Variants in APP observed in about 807,000 individuals in gnomAD.
APP encodes the protein amyloid-beta precursor protein.
Under a neutral mutation model 101.4 loss-of-function variants are expected in APP, and 31 were observed. That is an observed-to-expected ratio of 0.31 (90% confidence interval 0.23 to 0.41). The LOEUF (loss-of-function observed/expected upper bound fraction) is 0.41, where lower values mean the gene tolerates loss of function less well. Among genes scored for constraint, APP ranks in the 10% least tolerant of loss-of-function variants. APP has a pLI of 1.00. For missense variants in APP, 839 were observed against 1,003.7 expected (o/e 0.84, Z 2.22); for synonymous variants, 366 against 364.4 (o/e 1.00, Z -0.05).
intron 13 of APP, among the ~76,000 whole-genome samples, chr21:25,929,227 C>T (rs2040034672): frequency 6.6e-6 from 1 of 152,046 alleles, no homozygotes; most frequent in Admixed American, 6.6e-5. Flanking sequence ...AGAGTCTAAC[C>T]TCTGCAGCAT....
chr21:25,926,056 A>C (rs2039883435), intron 13 of APP, among the ~76,000 whole-genome samples: 1 of 152,358 alleles, frequency 6.6e-6, no homozygotes, highest in African/African-American at 2.4e-5. Context: ...AATATTGCCA[A>C]AACACCAGAG....
At chr21:26,097,099 A>G (rs1181557903) in intron 2 of APP, among the ~76,000 whole-genome samples, 4 of 152,186 alleles carry the variant, frequency 2.6e-5, no homozygotes, top group Non-Finnish European at 2.9e-5. Flanking sequence ...TTCCAATTGA[A>G]CAAAAGCCAA....
At chr21:26,105,562 G>A (rs1017697404) in intron 2 of APP, among the ~76,000 whole-genome samples, 1 of 151,222 alleles carries the variant, frequency 6.6e-6, no homozygotes, top group Non-Finnish European at 1.5e-5. Flanking sequence ...TCCAACACAC[G>A]CATGAAAATC....
intron 3 of APP, among the ~76,000 whole-genome samples, chr21:26,079,432 C>T (rs1601406981): frequency 1.3e-5 from 2 of 152,232 alleles, no homozygotes; most frequent in Middle Eastern, 3.4e-3. Flanking sequence ...GACTGAATTA[C>T]GCAGCTATAA....
chr21:25,945,757 G>A (rs1268400696), intron 13 of APP: 1 of 382,886 alleles, frequency 2.6e-6, no homozygotes, highest in South Asian at 1.9e-5. Context: ...GCGTGATCAA[G>A]GCTCACTGCA....
At chr21:26,016,167 A>C (rs113836429) in intron 6 of APP, among the ~76,000 whole-genome samples, 2 of 151,978 alleles carry the variant, frequency 1.3e-5, no homozygotes, top group Non-Finnish European at 2.9e-5. Context: ...AGTAGCTGGG[A>C]TTATGGGCAC....
intron 2 of APP, among the ~76,000 whole-genome samples, chr21:26,090,558 A>G (rs2061801700): frequency 6.6e-6 from 1 of 152,216 alleles, no homozygotes; most frequent in African/African-American, 2.4e-5. Context: ...TAGACTTAAA[A>G]TATTATTTTT....
At chr21:26,090,127 A>G in intron 2 of APP, 55 bp from the exon 3 acceptor site, 5 of 1,609,284 alleles carry the variant, frequency 3.1e-6, no homozygotes, top group Non-Finnish European at 4.2e-6. Flanking sequence ...GCTGGCATTT[A>G]CAAGCATCTA....
intron 8 of APP, among the ~76,000 whole-genome samples, chr21:25,988,523 G>A (rs750475724): frequency 6.6e-6 from 1 of 152,004 alleles, no homozygotes; most frequent in Non-Finnish European, 1.5e-5. Context: ...CCAACATGGA[G>A]AAACTCTGTC....
intron 3 of APP, among the ~76,000 whole-genome samples, chr21:26,069,811 T>C (rs191482547): frequency 1.3e-5 from 2 of 152,288 alleles, no homozygotes; most frequent in East Asian, 1.9e-4. Flanking sequence ...CAAACTTGTA[T>C]CTTAAAAGAT....
chr21:26,090,696 T>C (rs1179993291), intron 2 of APP, among the ~76,000 whole-genome samples: 1 of 152,210 alleles, frequency 6.6e-6, no homozygotes, highest in Non-Finnish European at 1.5e-5. Context: ...TTACAGTAGA[T>C]ATGGCTGGGG....
At chr21:26,075,163 CAATT>C (rs1326324784) in intron 3 of APP, among the ~76,000 whole-genome samples, 1 of 152,130 alleles carries the variant, frequency 6.6e-6, no homozygotes, top group Non-Finnish European at 1.5e-5. Context: ...GCTACATCCT[CAATT>C]CATTCATTAA....
chr21:25,974,908 C>A (rs1205452475), intron 11 of APP, among the ~76,000 whole-genome samples, 162 bp downstream of exon 11: 1 of 152,140 alleles, frequency 6.6e-6, no homozygotes, highest in Non-Finnish European at 1.5e-5. Flanking sequence ...TGCCCTGTGA[C>A]CCTTTGACCT....
chr21:25,977,639 G>C (rs1004645313), intron 9 of APP, among the ~76,000 whole-genome samples: 3 of 152,074 alleles, frequency 2.0e-5, no homozygotes, highest in Admixed American at 6.6e-5. Context: ...GCTTCTTCTT[G>C]TTGTTTTTGT....
chr21:26,028,238 A>G (rs2044669318), intron 5 of APP, among the ~76,000 whole-genome samples: 1 of 152,150 alleles, frequency 6.6e-6, no homozygotes, highest in Non-Finnish European at 1.5e-5. Flanking sequence ...AGAATGAGCT[A>G]TAAATCACAA....
intron 13 of APP, 139 bp from the exon 14 acceptor site, chr21:25,912,101 T>A (rs1338136286): frequency 1.4e-6 from 1 of 727,334 alleles, no homozygotes; most frequent in South Asian, 1.5e-5. Context: ...ATGACATAGG[T>A]ACCATTATCA....
intron 13 of APP, among the ~76,000 whole-genome samples, chr21:25,913,628 C>T (rs1382744424): frequency 2.0e-5 from 3 of 152,164 alleles, no homozygotes; most frequent in African/African-American, 7.2e-5. Context: ...CAGGAAATAA[C>T]CTTTGCCAGC....
At position 26,118,909 on chromosome 21, in the gene APP, T is replaced by C. The variant is rs181989605; in HGVS notation, c.58-6763A>G. On this transcript the variant is annotated intron_variant, in intron 1 of 17. Transcript: ENST00000346798. Reference sequence around the variant, plus strand: ...GAAAAAAAAATGAAAAAAAAATATATATATAGTATTTGAGATCTTTATCCT... The same window carrying C: ...GAAAAAAAAATGAAAAAAAAATATACATATAGTATTTGAGATCTTTATCCT... Among the ~76,000 whole-genome samples the C allele has an allele frequency of 2.0e-4, 31 of 152,162 alleles. No individual in the cohort carries two copies. In the East Asian group the frequency reaches 5.6e-3, roughly 27 times the overall value.
chr21:25,958,546 G>A (rs530469364), intron 11 of APP, among the ~76,000 whole-genome samples: 13 of 68,710 alleles, frequency 1.9e-4, no homozygotes, highest in Non-Finnish European at 3.6e-4. Context: ...CAAAGTGCTA[G>A]GATTACAGGC....
Sources: allele counts gnomAD v4.1 joint callset (sites outside exome capture counted in the v4.1 genomes callset), GRCh38; gene constraint gnomAD v4.1.1; transcripts MANE v1.5; gene names NCBI Gene and HGNC (gene_info 2026-07-23, HGNC 2026-07-21).